Variants in FGD4 observed in about 807,000 individuals in gnomAD.
FGD4 encodes the protein FYVE, RhoGEF and PH domain containing 4.
FGD4 carries 42 observed loss-of-function variants against 102.0 expected under a neutral mutation model. The observed-to-expected ratio is 0.41, with a 90% confidence interval of 0.32 to 0.53. The LOEUF is 0.53. Among genes scored for constraint, FGD4 ranks in the 20% least tolerant of loss-of-function variants. FGD4 has a pLI of 0.21. For missense variants in FGD4, 902 were observed against 1,078.2 expected (o/e 0.84, Z 2.29); for synonymous variants, 380 against 375.7 (o/e 1.01, Z -0.13).
intron 2 of FGD4, among the ~76,000 whole-genome samples, chr12:32,575,225 T>C (rs1946029809): frequency 6.6e-6 from 1 of 152,172 alleles, no homozygotes; most frequent in Non-Finnish European, 1.5e-5. Flanking sequence ...TACCCGAAGC[T>C]GGGTAATTTA....
At chr12:32,408,890 C>CT (rs1311665281) in intron 1 of FGD4, among the ~76,000 whole-genome samples, 1 of 152,126 alleles carries the variant, frequency 6.6e-6, no homozygotes, top group East Asian at 1.9e-4. Flanking sequence ...CTTTCTTCCT[C>CT]TGGCTTTGCC....
At chr12:32,609,919 C>A (rs186686147) in intron 8 of FGD4, among the ~76,000 whole-genome samples, 1 of 152,294 alleles carries the variant, frequency 6.6e-6, no homozygotes, top group East Asian at 1.9e-4. Flanking sequence ...GCATCCACAG[C>A]ACTTCACCAG....
At chr12:32,447,790 C>G (rs1302131593) in intron 1 of FGD4, among the ~76,000 whole-genome samples, 1 of 152,162 alleles carries the variant, frequency 6.6e-6, no homozygotes. Context: ...AAATGCTGTC[C>G]CTCCCTTCAG....
At chr12:32,537,872 T>C (rs147937836) in intron 1 of FGD4, among the ~76,000 whole-genome samples, 14 of 152,298 alleles carry the variant, frequency 9.2e-5, no homozygotes, top group Non-Finnish European at 1.8e-4. Flanking sequence ...CCAGCTTTAC[T>C]TTCGTTATAG....
At chr12:32,529,030 ATTCAAGC>A (rs1941535315) in intron 1 of FGD4, among the ~76,000 whole-genome samples, 1 of 152,246 alleles carries the variant, frequency 6.6e-6, no homozygotes, top group African/African-American at 2.4e-5. Context: ...GTACAAAAAT[ATTCAAGC>A]AACAGGATTT....
chr12:32,554,184 T>C (rs1470730736), intron 1 of FGD4, among the ~76,000 whole-genome samples: 2 of 152,190 alleles, frequency 1.3e-5, no homozygotes, highest in African/African-American at 2.4e-5. Context: ...TCTGGAGAGT[T>C]CTACAATTCC....
At chr12:32,435,745 C>T (rs1942209024) in intron 1 of FGD4, among the ~76,000 whole-genome samples, 1 of 151,900 alleles carries the variant, frequency 6.6e-6, no homozygotes, top group South Asian at 2.1e-4. Flanking sequence ...ATGGGTGGCC[C>T]CGCTTTCTGA....
rs554162949 is a variant in FGD4 at position 32,563,097 on chromosome 12, C to T, written c.167-1040C>T. 2.7e-5 allele frequency among the ~76,000 whole-genome samples: 4 copies of T among 146,974 alleles called. No individual in the cohort carries two copies. The South Asian group carries it at 6.7e-4, about 24-fold the overall frequency. On this transcript the variant is annotated intron_variant, in intron 1 of 16. Coordinates refer to ENST00000534526, the MANE Select transcript of FGD4 (RefSeq NM_001370298.3). The stretch of plus-strand genomic sequence containing the variant: ...GCGGCTGGCCGGGCGGGGGGCTGAC[C>T]CCCCCCACCTCCCTCCCGGACGGGA...
chr12:32,485,849 G>C, intron 1 of FGD4: 1 of 1,213,434 alleles, frequency 8.2e-7, no homozygotes, highest in Non-Finnish European at 1.0e-6. Context: ...CGGTATTCTA[G>C]AGCTCTCTCA....
At position 32,611,255 on chromosome 12, in the gene FGD4, C is replaced by G; in HGVS notation, c.1721C>G (p.Thr574Ser). ...ATCCTCAAACTAGCTGCTCGGAACA[C>G]TTCAGCACAAGAACGCTACCTTTTC... Reference protein sequence around the residue: ...GQILKLAARNTSAQERYLFLF... With the variant: ...GQILKLAARNSSAQERYLFLF... Residue 574 changes from threonine (T) to serine (S), a missense_variant, in exon 10 of 17, where the codon ACT (threonine) becomes AGT (serine). By Grantham distance (58) the Thr-to-Ser change is moderately conservative. This residue lies in a region of FGD4 where 459 missense variants were observed against 619.0 expected (regional missense o/e 0.74). Transcript: ENST00000534526. 6.2e-7 allele frequency: 1 copy of G among 1,614,210 alleles called. No homozygotes were observed. Among genetic ancestry groups the G allele is most frequent in the Non-Finnish European group, 8.5e-7 (1 of 1,180,036 alleles).
chr12:32,534,437 C>A (rs1565812857), intron 1 of FGD4: 2 of 1,525,726 alleles, frequency 1.3e-6, no homozygotes, highest in East Asian at 2.5e-5. Context: ...AGCCAAATAT[C>A]TTTTTATTAA....
At chr12:32,524,592 A>C (rs1367911779) in intron 1 of FGD4, among the ~76,000 whole-genome samples, 2 of 152,070 alleles carry the variant, frequency 1.3e-5, no homozygotes, top group Non-Finnish European at 2.9e-5. Context: ...TGGGGGGCCA[A>C]GATGGGAGGA....
chr12:32,525,298 A>G (rs562072497), intron 1 of FGD4, among the ~76,000 whole-genome samples: 36 of 152,360 alleles, frequency 2.4e-4, no homozygotes, highest in Non-Finnish European at 5.1e-4. Flanking sequence ...TGTGAGAGTT[A>G]TGAACCAGAA....
intron 1 of FGD4, among the ~76,000 whole-genome samples, chr12:32,490,947 G>GC (rs1383022133): frequency 3.3e-5 from 5 of 152,094 alleles, no homozygotes; most frequent in African/African-American, 1.2e-4. Context: ...TTCTTCCACT[G>GC]CAGTATCCGA....
At chr12:32,405,095 G>A (rs867010709) in intron 1 of FGD4, among the ~76,000 whole-genome samples, 15 of 151,452 alleles carry the variant, frequency 9.9e-5, no homozygotes, top group Admixed American at 1.3e-4. Context: ...CACCACACCC[G>A]GCTAATTTTT....
chr12:32,442,194 C>G (rs539067535), intron 1 of FGD4, among the ~76,000 whole-genome samples: 42 of 152,082 alleles, frequency 2.8e-4, no homozygotes, highest in African/African-American at 1.0e-3. Flanking sequence ...GCTGGGACAA[C>G]AGGCATGTGC....
intron 4 of FGD4, among the ~76,000 whole-genome samples, chr12:32,589,913 AAT>A (rs1947333941): frequency 6.6e-6 from 1 of 152,172 alleles, no homozygotes; most frequent in Non-Finnish European, 1.5e-5. Flanking sequence ...AGTTTGGGAA[AAT>A]ATTGGTGGTA....
chr12:32,568,052 G>A (rs1006485704), intron 2 of FGD4, among the ~76,000 whole-genome samples: 3 of 150,154 alleles, frequency 2.0e-5, no homozygotes, highest in African/African-American at 7.5e-5. Context: ...ATGTAGTAAT[G>A]TCTCTGGAAC....
chr12:32,450,739 C>T (rs927488439), intron 1 of FGD4, among the ~76,000 whole-genome samples: 9 of 152,222 alleles, frequency 5.9e-5, no homozygotes, highest in Non-Finnish European at 1.3e-4. Flanking sequence ...TTGTCTCTCT[C>T]TCTAAAAGTC....
Sources: gnomAD v4.1 joint callset for allele counts (sites outside exome capture counted in the v4.1 genomes callset) on GRCh38, gnomAD v4.1.1 for gene constraint, gnomAD v4.1.1 regional missense constraint, MANE v1.5 for transcripts, NCBI Gene and HGNC (gene_info 2026-07-23, HGNC 2026-07-21) for gene names.